Variants in GPCPD1 observed in about 807,000 individuals in gnomAD.
GPCPD1 encodes glycerophosphocholine phosphodiesterase 1.
In GPCPD1, 29 loss-of-function variants were observed where a neutral mutation model predicts 89.2. The observed-to-expected ratio is 0.33, with a 90% CI of 0.24 to 0.44. GPCPD1 has a LOEUF of 0.44. Ranked by LOEUF, GPCPD1 falls within the 20% of genes least tolerant of loss-of-function variation. The pLI, the probability that GPCPD1 is intolerant of heterozygous loss-of-function variation, is 1.00. For missense variants in GPCPD1, 594 were observed against 808.9 expected (o/e 0.73, Z 3.22); for synonymous variants, 258 against 266.3 (o/e 0.97, Z 0.30).
At chr20:5,604,618 G>T (rs969792327) in intron 1 of GPCPD1, among the ~76,000 whole-genome samples, 178 bp from the exon 2 acceptor site, 1 of 87,094 alleles carries the variant, frequency 1.1e-5, no homozygotes, top group Admixed American at 1.4e-4. Flanking sequence ...GTGCGGGGGG[G>T]GGGGGGCGGG....
chr20:5,574,506 AG>A (rs1408486426), intron 10 of GPCPD1, among the ~76,000 whole-genome samples: 2 of 152,192 alleles, frequency 1.3e-5, no homozygotes, highest in Admixed American at 6.6e-5. Context: ...AGGCTGAGGC[AG>A]GCAGATCACT....
intron 13 of GPCPD1, 24 bp downstream of exon 13, chr20:5,567,459 T>A: frequency 6.4e-7 from 1 of 1,556,572 alleles, no homozygotes; most frequent in Non-Finnish European, 8.6e-7. Context: ...AGGGATAATT[T>A]ACATTTCATG....
intron 15 of GPCPD1, among the ~76,000 whole-genome samples, chr20:5,562,077 C>A (rs1485754363): frequency 6.6e-6 from 1 of 152,162 alleles, no homozygotes; most frequent in East Asian, 1.9e-4. Context: ...ATATAAATGA[C>A]AAATGCTATC....
intron 19 of GPCPD1, 33 bp from the exon 20 acceptor site, chr20:5,547,883 A>T: frequency 8.1e-7 from 1 of 1,233,666 alleles, no homozygotes; most frequent in South Asian, 1.5e-5. Context: ...CACATAAAAT[A>T]CTGTAATTTT....
chr20:5,561,526 A>C lies in GPCPD1; in HGVS notation c.1334T>G (p.Leu445Ter). Residue 445 changes from leucine (L) to a stop codon, truncating the protein, a stop_gained, in exon 16 of 20, where the codon TTA (leucine) becomes TGA (stop). Coordinates refer to ENST00000379019, the MANE Select transcript of GPCPD1 (RefSeq NM_019593.5). LOFTEE classifies it high-confidence loss of function. ...NQPFPSLKMV[L>*]ESLPEDVGFN... ...CCCTACATCTTCTGGCAAAGACTCT[A>C]AAACCTACAGTTTTGTTTGTTGGTA... 1 of 1,588,750 alleles carries C rather than the reference A, an allele frequency of 6.3e-7. No homozygotes were observed. The highest frequency in any genetic ancestry group is 8.6e-7 in the Non-Finnish European group (1 of 1,158,910).
At chr20:5,594,978 T>C (rs1196503684) in intron 3 of GPCPD1, among the ~76,000 whole-genome samples, 1 of 152,336 alleles carries the variant, frequency 6.6e-6, no homozygotes, top group South Asian at 2.1e-4. Context: ...GAAAAATCTT[T>C]CATGAAAGGA....
intron 4 of GPCPD1, among the ~76,000 whole-genome samples, chr20:5,589,525 T>A (rs747821360): frequency 3.3e-5 from 5 of 152,078 alleles, no homozygotes; most frequent in Non-Finnish European, 5.9e-5. Context: ...TGCAGGAGAC[T>A]CACTTGAACC....
intron 6 of GPCPD1, among the ~76,000 whole-genome samples, chr20:5,583,225 C>CAAAAAAAAA (rs35153907): frequency 1.6e-5 from 1 of 64,256 alleles, no homozygotes. Context: ...AACTCCATCT[C>CAAAAAAAAA]AAAAAAAAAA....
chr20:5,573,640 G>A (rs2122650038), intron 11 of GPCPD1, among the ~76,000 whole-genome samples: 1 of 152,264 alleles, frequency 6.6e-6, no homozygotes, highest in Non-Finnish European at 1.5e-5. Flanking sequence ...CTACTACGGA[G>A]GCTGAGGTGG....
intron 7 of GPCPD1, among the ~76,000 whole-genome samples, chr20:5,579,618 G>A (rs981470678): frequency 7.9e-5 from 12 of 152,300 alleles, no homozygotes; most frequent in African/African-American, 2.4e-4. Context: ...AAAGTGCTGG[G>A]ACTACAGTTG....
rs540721463 is a variant in GPCPD1 at position 5,604,945 on chromosome 20, C to T, written c.-28-505G>A. On this transcript the variant is annotated intron_variant, in intron 1 of 19. Coordinates refer to ENST00000379019, the MANE Select transcript of GPCPD1 (RefSeq NM_019593.5). ...TCTAGCCTGAGCCACAGAGCAAGAC[C>T]CTGTCTCGAAAAAAACAAAACACAA... Among the ~76,000 whole-genome samples, 54 of 151,578 alleles carry T rather than the reference C, an allele frequency of 3.6e-4. 1 individual carries two copies. In the South Asian group the frequency reaches 0.011, roughly 30 times the overall value.
chr20:5,559,218 T>A (rs901554336), intron 17 of GPCPD1, among the ~76,000 whole-genome samples: 11 of 147,894 alleles, frequency 7.4e-5, no homozygotes, highest in Non-Finnish European at 1.6e-4. Flanking sequence ...TAAATAGATT[T>A]AAAAAAAAAA....
At chr20:5,566,116 C>T (rs1986383286) in intron 14 of GPCPD1, among the ~76,000 whole-genome samples, 1 of 152,166 alleles carries the variant, frequency 6.6e-6, no homozygotes, top group South Asian at 2.1e-4. Flanking sequence ...GATATTAAAA[C>T]TGTATGGTTA....
chr20:5,577,065 G>GTTTTTTTTTT (rs35980274), intron 8 of GPCPD1, among the ~76,000 whole-genome samples: 2 of 113,866 alleles, frequency 1.8e-5, no homozygotes, highest in South Asian at 5.9e-4. Context: ...TTTTTTTTTT[G>GTTTTTTTTTT]TTTTTTTTTT....
chr20:5,600,523 T>C (rs1980053127), intron 2 of GPCPD1, among the ~76,000 whole-genome samples: 2 of 151,702 alleles, frequency 1.3e-5, no homozygotes, highest in African/African-American at 4.8e-5. Flanking sequence ...ACCTCATCTC[T>C]ACTGAAAATA....
chr20:5,579,998 A>T lies in GPCPD1; in HGVS notation c.473+10T>A. 1 of 1,519,356 alleles carries T rather than the reference A, an allele frequency of 6.6e-7. No homozygotes were observed. The highest frequency in any genetic ancestry group is 9.1e-7 in the Non-Finnish European group (1 of 1,102,598). The allele number at this position is 1,519,356 out of a possible 1,614,324, so 94.1% of individuals were successfully genotyped here. A position where few individuals can be genotyped will look rare whatever the true frequency, so the allele number is the denominator to read the frequency against. ...CAAATAGCCTAAGTAACACATAAAC[A>T]TGGTCATACCTAAATCTAGATTTTT... On this transcript the variant is annotated intron_variant, in intron 7 of 19. Transcript: ENST00000379019.
chr20:5,555,555 A>G (rs1240056428), intron 19 of GPCPD1, among the ~76,000 whole-genome samples: 1 of 151,754 alleles, frequency 6.6e-6, no homozygotes, highest in Non-Finnish European at 1.5e-5. Flanking sequence ...ATAATAATAA[A>G]ATAAAAATAA....
chr20:5,556,548 T>C (rs1213208417), intron 19 of GPCPD1, among the ~76,000 whole-genome samples: 2 of 152,152 alleles, frequency 1.3e-5, no homozygotes, highest in Non-Finnish European at 2.9e-5. Context: ...GATTTAGGAC[T>C]TGCTTTGCTG....
chr20:5,596,259 G>A (rs920869467), intron 3 of GPCPD1, among the ~76,000 whole-genome samples: 4 of 152,060 alleles, frequency 2.6e-5, no homozygotes, highest in Non-Finnish European at 4.4e-5. Context: ...AATGAGCTGG[G>A]CATGATGGTG....
Sources: gnomAD v4.1 joint callset for allele counts (sites outside exome capture counted in the v4.1 genomes callset) on GRCh38, gnomAD v4.1.1 for gene constraint, MANE v1.5 for transcripts, NCBI Gene and HGNC (gene_info 2026-07-23, HGNC 2026-07-21) for gene names.